The following CLVS1 variants were observed in gnomAD, a reference collection of about 807,000 sequenced individuals.
CLVS1 encodes clavesin-1.
CLVS1 carries 10 observed loss-of-function variants against 33.1 expected under a neutral mutation model. The ratio of observed to expected loss-of-function variants is 0.30; its 90% CI spans 0.19 to 0.51. The LOEUF is 0.51. Ranked by LOEUF, CLVS1 falls within the 20% of genes least tolerant of loss-of-function variation. CLVS1 has a pLI of 0.97. For missense variants in CLVS1, 343 were observed against 433.4 expected, an observed-to-expected ratio of 0.79 and a Z score of 1.85; for synonymous variants, 163 against 166.1, an observed-to-expected ratio of 0.98 and a Z score of 0.14.
rs575805153 is a variant in CLVS1 at position 61,301,343 on chromosome 8, C to T, written c.455+1061C>T. Among the ~76,000 whole-genome samples, 77 of 152,264 alleles carry T rather than the reference C, an allele frequency of 5.1e-4. No homozygotes were observed. The Middle Eastern group carries it at 0.01, about 20-fold the overall frequency. ...TGTCAGACACCCAAAGGAGAGACAGCCATCCCCTATCCCAACTCCAATCAT... is the reference window on the plus strand; with the variant it reads ...TGTCAGACACCCAAAGGAGAGACAGTCATCCCCTATCCCAACTCCAATCAT... On this transcript the variant is annotated intron_variant, in intron 2 of 5. Transcript: ENST00000325897.
At chr8:61,445,155 G>C (rs1816707069) in intron 3 of CLVS1, among the ~76,000 whole-genome samples, 1 of 152,160 alleles carries the variant, frequency 6.6e-6, no homozygotes, top group Non-Finnish European at 1.5e-5. Flanking sequence ...TGATCATAGT[G>C]TCTAATTCTT....
intron 2 of CLVS1, among the ~76,000 whole-genome samples, chr8:61,171,332 G>C (rs910388724): frequency 6.6e-6 from 1 of 152,128 alleles, no homozygotes; most frequent in Non-Finnish European, 1.5e-5. Context: ...GTATGTTGGA[G>C]GAGGGCCAAT....
chr8:61,277,139 G>C (rs778313508), intron 2 of CLVS1, among the ~76,000 whole-genome samples: 46 of 152,256 alleles, frequency 3.0e-4, no homozygotes, highest in Middle Eastern at 6.8e-3. Flanking sequence ...ATAGCACTTA[G>C]TATACCAGGC....
chr8:61,243,437 C>T (rs1368177035), intron 2 of CLVS1, among the ~76,000 whole-genome samples: 1 of 152,172 alleles, frequency 6.6e-6, no homozygotes, highest in Non-Finnish European at 1.5e-5. Context: ...CTTTGATCAT[C>T]CTGGTTGCCC....
chr8:61,031,675 T>A, the CLVS1 span, among the ~76,000 whole-genome samples: 1 of 152,212 alleles, frequency 6.6e-6, no homozygotes, highest in African/African-American at 2.4e-5. Flanking sequence ...GCAAAGTTCC[T>A]GGCCATCGAA....
At chr8:61,405,552 T>C (rs745638168) in intron 3 of CLVS1, among the ~76,000 whole-genome samples, 9 of 152,140 alleles carry the variant, frequency 5.9e-5, no homozygotes, top group Non-Finnish European at 1.2e-4. Flanking sequence ...GGCAGGAGGA[T>C]CACTTGAGCT....
chr8:61,405,801 G>T (rs1814964416), intron 3 of CLVS1, among the ~76,000 whole-genome samples: 2 of 151,164 alleles, frequency 1.3e-5, no homozygotes, highest in Non-Finnish European at 2.9e-5. Context: ...TGCACCACTG[G>T]TGCAAATGAC....
intron 4 of CLVS1, among the ~76,000 whole-genome samples, chr8:61,457,790 T>C (rs546924087): frequency 6.6e-6 from 1 of 151,910 alleles, no homozygotes; most frequent in South Asian, 2.1e-4. Flanking sequence ...AAAACAGAAG[T>C]CGGCAGTCAG....
chr8:61,302,208 G>A (rs146926241), intron 2 of CLVS1, among the ~76,000 whole-genome samples: 132 of 152,262 alleles, frequency 8.7e-4, no homozygotes, highest in Middle Eastern at 3.4e-3. Flanking sequence ...TATCAGTCTA[G>A]AATTTGGTCA....
intron 2 of CLVS1, among the ~76,000 whole-genome samples, chr8:61,345,677 T>A (rs1242260861): frequency 6.6e-6 from 1 of 150,602 alleles, no homozygotes; most frequent in Non-Finnish European, 1.5e-5. Context: ...TGTGTTTGGT[T>A]TGACAACATG....
chr8:61,466,799 C>G (rs571680403), intron 5 of CLVS1, among the ~76,000 whole-genome samples: 1 of 152,238 alleles, frequency 6.6e-6, no homozygotes, highest in African/African-American at 2.4e-5. Context: ...AGGTGCCCAC[C>G]ACCACACTCA....
chr8:61,326,474 A>T (rs1811389481), intron 2 of CLVS1, among the ~76,000 whole-genome samples: 1 of 152,126 alleles, frequency 6.6e-6, no homozygotes, highest in Non-Finnish European at 1.5e-5. Context: ...GAAAGGGCAA[A>T]AGTTGTGAGG....
chr8:61,244,221 A>T (rs1156580628), intron 2 of CLVS1, among the ~76,000 whole-genome samples: 1 of 151,910 alleles, frequency 6.6e-6, no homozygotes, highest in Non-Finnish European at 1.5e-5. Flanking sequence ...ATACTTTTAA[A>T]TTTTCTTTTT....
intron 1 of CLVS1, among the ~76,000 whole-genome samples, chr8:61,074,833 A>G (rs144805951): frequency 6.6e-6 from 1 of 152,286 alleles, no homozygotes; most frequent in East Asian, 1.9e-4. Flanking sequence ...TAGGCATTTA[A>G]CAAATGTTAA....
At chr8:61,065,180 A>C (rs181379207) in intron 1 of CLVS1, among the ~76,000 whole-genome samples, 3 of 152,332 alleles carry the variant, frequency 2.0e-5, no homozygotes, top group Admixed American at 6.5e-5. Context: ...ATTTGCATTT[A>C]ACCTATGTAC....
intron 1 of CLVS1, among the ~76,000 whole-genome samples, chr8:61,106,236 T>C (rs1194540356): frequency 1.3e-5 from 2 of 152,102 alleles, no homozygotes; most frequent in East Asian, 3.9e-4. Context: ...ATCAAAGTGG[T>C]AGGAGAAGGC....
Position 61,198,689 on chromosome 8 carries a change from A to G in CLVS1, c.-152+66829A>G, listed in dbSNP as rs180809129. On this transcript the variant is annotated intron_variant, in intron 2 of 2. Coordinates refer to the CLVS1 transcript ENST00000522621. The stretch of plus-strand genomic sequence containing the variant: ...GCCACTTATCTCATGCCGGGCCCCA[A>G]TAGATATTTTTCATCCCTCACCCGC... 9.7e-4 allele frequency among the ~76,000 whole-genome samples: 147 copies of G among 152,238 alleles called. 3 individuals carry two copies. Among genetic ancestry groups the G allele is most frequent in the Admixed American group, 3.3e-3 (51 of 15,304 alleles).
the CLVS1 span, among the ~76,000 whole-genome samples, chr8:61,006,548 TC>T: frequency 6.6e-6 from 1 of 152,124 alleles, no homozygotes; most frequent in African/African-American, 2.4e-5. Context: ...AAACAAATGA[TC>T]CTGAGCAGAC....
intron 5 of CLVS1, among the ~76,000 whole-genome samples, chr8:61,475,299 G>A (rs1434243776): frequency 2.0e-5 from 3 of 152,152 alleles, no homozygotes; most frequent in African/African-American, 7.2e-5. Flanking sequence ...TATATACTTT[G>A]GGTATATACC....
Sources: allele counts gnomAD v4.1 joint callset (sites outside exome capture counted in the v4.1 genomes callset), GRCh38; gene constraint gnomAD v4.1.1; transcripts MANE v1.5; gene names NCBI Gene and HGNC (gene_info 2026-07-23, HGNC 2026-07-21).